The following ABCA3 variants were observed in gnomAD, a reference collection of about 807,000 sequenced individuals.
The protein encoded by ABCA3 is phospholipid-transporting ATPase ABCA3.
ABCA3 carries 88 observed loss-of-function variants against 172.8 expected under a neutral mutation model. The observed-to-expected ratio is 0.51, with a 90% CI of 0.43 to 0.61. The LOEUF is 0.61. ABCA3 is among the 20% of genes least tolerant of loss of function. The pLI is 0.00. For missense variants in ABCA3, 2,164 were observed against 2,301.0 expected, an observed-to-expected ratio of 0.94 and a Z score of 1.22; for synonymous variants, 1,066 against 983.8, an observed-to-expected ratio of 1.08 and a Z score of -1.56.
intron 14 of ABCA3, among the ~76,000 whole-genome samples, chr16:2,298,765 G>C (rs1386978087): frequency 6.6e-6 from 1 of 152,146 alleles, no homozygotes; most frequent in Non-Finnish European, 1.5e-5. Context: ...GCTGGTCAGG[G>C]AGGAGAAACC....
At chr16:2,327,959 G>A (rs2093736994) in intron 3 of ABCA3, among the ~76,000 whole-genome samples, 1 of 152,052 alleles carries the variant, frequency 6.6e-6, no homozygotes, top group Admixed American at 6.6e-5. Flanking sequence ...GACCTCAAAT[G>A]ATCCGCCCGC....
At chr16:2,334,051 T>C (rs937521842) in intron 1 of ABCA3, among the ~76,000 whole-genome samples, 1 of 152,130 alleles carries the variant, frequency 6.6e-6, no homozygotes, top group Non-Finnish European at 1.5e-5. Flanking sequence ...TGCACTGTAA[T>C]TGCTGTGACG....
chr16:2,278,626 G>C lies in ABCA3; in HGVS notation c.4548-168C>G, dbSNP rs2093650401. On this transcript the variant is annotated intron_variant, in intron 29 of 32. Transcript: ENST00000301732. The surrounding 1 kb of genome is among the most constrained non-coding windows in gnomAD (Gnocchi z 4.4). The stretch of plus-strand genomic sequence containing the variant: ...TGCACCTGGAAAGCCCACCGCATAG[G>C]GCTGGAGGCCCCAGAGAAGGCTGTT... 6.6e-6 allele frequency among the ~76,000 whole-genome samples: 1 copy of C among 152,212 alleles called. No homozygotes were observed. The highest frequency in any genetic ancestry group is 2.4e-5 in the African/African-American group (1 of 41,452).
intron 1 of ABCA3, among the ~76,000 whole-genome samples, 154 bp downstream of exon 1, chr16:2,340,419 G>C (rs1376005380): frequency 1.3e-5 from 2 of 151,300 alleles, no homozygotes; most frequent in Middle Eastern, 6.8e-3. Flanking sequence ...CGGCCGGAGG[G>C]GATGCGGGGT....
chr16:2,325,983 G>A (rs1158588553), intron 5 of ABCA3, 27 bp downstream of exon 5: 1 of 1,611,742 alleles, frequency 6.2e-7, no homozygotes, highest in Non-Finnish European at 8.5e-7. Flanking sequence ...CACTAGGCCT[G>A]GCACCGAGAG....
chr16:2,281,732 GA>G lies in ABCA3; in HGVS notation c.4036-224del, dbSNP rs1441923957. 6.6e-6 allele frequency among the ~76,000 whole-genome samples: 1 copy of G among 152,048 alleles called. No homozygotes were observed. Among genetic ancestry groups the G allele is most frequent in the African/African-American group, 2.4e-5 (1 of 41,374 alleles). On this transcript the variant is annotated intron_variant, in intron 26 of 32. Transcript: ENST00000301732. The surrounding 1 kb of genome is among the most constrained non-coding windows in gnomAD (Gnocchi z 4.7). Reference sequence around the variant, plus strand: ...ATCCAGGAGACATAAACTATCTGAGGAAAAAGAACTGTGCGGGACTCATGGA... The same window carrying G: ...ATCCAGGAGACATAAACTATCTGAGGAAAAGAACTGTGCGGGACTCATGGA...
chr16:2,304,243 C>T (rs1596848858), intron 11 of ABCA3, 93 bp from the exon 12 acceptor site: 2 of 1,338,710 alleles, frequency 1.5e-6, no homozygotes, highest in African/African-American at 2.9e-5. Context: ...GCACATTTGA[C>T]CTTGCATGGC....
At position 2,308,467 on chromosome 16, in the gene ABCA3, C is replaced by T. The variant is rs773840261; in HGVS notation, c.1268G>A (p.Gly423Glu). 20 of 1,614,210 alleles carry T rather than the reference C, an allele frequency of 1.2e-5. No individual in the cohort carries two copies. The highest frequency in any genetic ancestry group is 1.4e-5 in the Non-Finnish European group (17 of 1,180,032). ...VAMAMGAQLI[G>E]KFEAKGMGIQ... ...ACACTCACCTTTCGCCTCAAATTTC[C>T]CAATGAGCTGGGCTCCCATTGCCAT... The change falls in exon 11 of 33, where the codon GGG (glycine) becomes GAG (glutamate). Residue 423 changes from glycine to glutamate, a missense_variant. Coordinates refer to ENST00000301732, the MANE Select transcript of ABCA3 (RefSeq NM_001089.3).
At chr16:2,317,601 C>T in intron 9 of ABCA3, 47 bp downstream of exon 9, 1 of 1,606,108 alleles carries the variant, frequency 6.2e-7, no homozygotes, top group South Asian at 1.1e-5. Context: ...CCTGGGGTGC[C>T]CTGGCTCTCC....
At position 2,285,513 on chromosome 16, in the gene ABCA3, C is replaced by G; in HGVS notation, c.3412G>C (p.Val1138Leu). 1 of 1,608,898 alleles carries G rather than the reference C, an allele frequency of 6.2e-7. No homozygotes were observed. ...AGAGCAGAGAGCCAGAAACTGGCCA[C>G]GTGGACTCCACTCACAAACTGCACA... ...KHVQFVSGVHVASFWLSALLW... is the reference protein window; with the variant it reads ...KHVQFVSGVHLASFWLSALLW... Residue 1138 changes from valine (V) to leucine (L), a missense_variant, in exon 23 of 33, where the codon GTG (valine) becomes CTG (leucine). Physicochemically the swap from Val to Leu is conservative, Grantham distance 32. This residue lies in a region of ABCA3 where 795 missense variants were observed against 881.9 expected (regional missense o/e 0.90). Coordinates refer to ENST00000301732, the MANE Select transcript of ABCA3 (RefSeq NM_001089.3). This position sits in a 1 kb window ranked among gnomAD's most constrained non-coding sequence, Gnocchi z 4.7.
intron 11 of ABCA3, among the ~76,000 whole-genome samples, chr16:2,305,693 G>A (rs1398252615): frequency 6.6e-6 from 1 of 152,076 alleles, no homozygotes; most frequent in Non-Finnish European, 1.5e-5. Flanking sequence ...CCAAAGTGCT[G>A]GGATTACAGG....
Position 2,288,008 on chromosome 16 carries a change from C to A in ABCA3, c.3004+18G>T. 6.2e-7 allele frequency: 1 copy of A among 1,600,454 alleles called. No homozygotes were observed. The highest frequency in any genetic ancestry group is 8.5e-7 in the Non-Finnish European group (1 of 1,179,550). ...CTGGCCCCCGATGCCCCCGTCCCGC[C>A]CCCGGGATGCCCCTTACCGAGCACC... On this transcript the variant is annotated intron_variant, in intron 21 of 32. Coordinates refer to ENST00000301732, the MANE Select transcript of ABCA3 (RefSeq NM_001089.3).
rs771737921 is a variant in ABCA3, at chr16:2,295,615, T to G, written c.2389A>C (p.Ile797Leu). Residue 797 changes from isoleucine (I) to leucine (L), a missense_variant, in exon 18 of 33, where the codon ATC becomes CTC. Coordinates refer to ENST00000301732, the MANE Select transcript of ABCA3 (RefSeq NM_001089.3). ...CTGTGCGTGCTCTCTCTGGGAAGGATGAAAGACAGCTCGGCCCCAGCGCTG... is the reference window on the plus strand; with the variant it reads ...CTGTGCGTGCTCTCTCTGGGAAGGAGGAAAGACAGCTCGGCCCCAGCGCTG... ...ESSAGAELSFILPRESTHRFE... is the reference protein window; with the variant it reads ...ESSAGAELSFLLPRESTHRFE... 9 of 1,613,720 alleles carry G rather than the reference T, an allele frequency of 5.6e-6. No homozygotes were observed. Among genetic ancestry groups the G allele is most frequent in the Non-Finnish European group, 7.6e-6 (9 of 1,180,036 alleles).
rs1356585026 is a variant in ABCA3, at chr16:2,297,742, C to T, written c.2052+24G>A. 3.7e-6 allele frequency: 6 copies of T among 1,607,796 alleles called. No homozygotes were observed. Among genetic ancestry groups the T allele is most frequent in the Non-Finnish European group, 3.4e-6 (4 of 1,179,988 alleles). On this transcript the variant is annotated intron_variant, in intron 16 of 32. Coordinates refer to ENST00000301732, the MANE Select transcript of ABCA3 (RefSeq NM_001089.3). This position sits in a 1 kb window ranked among gnomAD's most constrained non-coding sequence, Gnocchi z 5.6. ...CCAGGTCGAGCAGGAGGGGAACCCA[C>T]TGCCTCCAGTCCCACCGCCACACCT...
At chr16:2,318,382 C>T (rs545837554) in intron 8 of ABCA3, among the ~76,000 whole-genome samples, 17 of 152,278 alleles carry the variant, frequency 1.1e-4, no homozygotes, top group Non-Finnish European at 1.8e-4. Flanking sequence ...TGACCAAAAG[C>T]GCCTGGGGAG....
rs978224725 is a variant in ABCA3 at position 2,288,255 on chromosome 16, C to A, written c.2775G>T (p.Met925Ile). Residue 925 changes from methionine to isoleucine, a missense_variant, in exon 21 of 33, where the codon ATG becomes ATT. Physicochemically the swap from Met to Ile is conservative, Grantham distance 10 (BLOSUM62 1). Around this residue, in one of 3 missense-constraint regions of ABCA3, gnomAD observed 1,343 missense variants for 1,369.6 expected, o/e 0.98. Coordinates refer to ENST00000301732, the MANE Select transcript of ABCA3 (RefSeq NM_001089.3). Reference protein sequence around the residue: ...KAAYSWREWKMVAAQVLVPLT... With the variant: ...KAAYSWREWKIVAAQVLVPLT... ...GAGGCACCAGGACCTGTGCCGCCAC[C>A]ATTTTCCACTCGCGCCAGCTGTATG... 1.3e-6 allele frequency: 2 copies of A among 1,592,240 alleles called. No homozygotes were observed. The highest frequency in any genetic ancestry group is 4.5e-5 in the East Asian group (2 of 44,044).
intron 32 of ABCA3, 22 bp from the exon 33 acceptor site, chr16:2,276,827 C>T: frequency 6.2e-7 from 1 of 1,613,384 alleles, no homozygotes; most frequent in Non-Finnish European, 8.5e-7. Flanking sequence ...AGAAAAGTCA[C>T]TGGTAGGAGA....
Position 2,284,313 on chromosome 16 carries a change from G to A in ABCA3, c.3828C>T (p.Ser1276=). 6.2e-7 allele frequency: 1 copy of A among 1,613,832 alleles called. No homozygotes were observed. Among genetic ancestry groups the A allele is most frequent in the East Asian group, 2.2e-5 (1 of 44,884 alleles). Residue 1276 remains serine (S), a synonymous_variant, in exon 25 of 33, where the codon TCC becomes TCT. Transcript: ENST00000301732. This position sits in a 1 kb window ranked among gnomAD's most constrained non-coding sequence, Gnocchi z 5.9. ...ENYETRRYCT[S]SEVAAHYCKK... ...TGCAGTAGTGGGCGGCGACCTCGGAGGAGGTGCAGTACCTCCGCGTCTCGT... is the reference window on the plus strand; with the variant it reads ...TGCAGTAGTGGGCGGCGACCTCGGAAGAGGTGCAGTACCTCCGCGTCTCGT...
intron 11 of ABCA3, among the ~76,000 whole-genome samples, chr16:2,306,607 G>A (rs756090531): frequency 1.2e-4 from 18 of 152,186 alleles, no homozygotes; most frequent in Admixed American, 5.2e-4. Flanking sequence ...GCAATGTTGG[G>A]AGGAGGCCTA....
Sources: allele counts gnomAD v4.1 joint callset (sites outside exome capture counted in the v4.1 genomes callset), GRCh38; gene constraint gnomAD v4.1.1; regional missense constraint gnomAD v4.1.1; non-coding constraint Gnocchi (gnomAD v3.1); transcripts MANE v1.5; gene names NCBI Gene and HGNC (gene_info 2026-07-23, HGNC 2026-07-21).